MEF2C: variants seen among roughly 807,000 people sequenced by gnomAD.
MEF2C encodes the protein myocyte enhancer factor 2C, also known as myocyte-specific enhancer factor 2C.
MEF2C carries 6 observed loss-of-function variants against 50.5 expected under a neutral mutation model. The ratio of observed to expected loss-of-function variants is 0.12; its 90% confidence interval spans 0.07 to 0.23. The LOEUF is 0.23. MEF2C is among the 10% of genes least tolerant of loss of function. The pLI, the probability that MEF2C is intolerant of heterozygous loss-of-function variation, is 1.00. For synonymous variants in MEF2C, 183 were observed against 228.0 expected, an observed-to-expected ratio of 0.80 and a Z score of 1.78; for missense variants, 276 against 605.0, an observed-to-expected ratio of 0.46 and a Z score of 5.70.
intron 1 of MEF2C, among the ~76,000 whole-genome samples, chr5:88,880,397 T>C (rs1202036597): frequency 2.6e-5 from 4 of 152,162 alleles, no homozygotes; most frequent in African/African-American, 9.6e-5. Context: ...TGTTGTTATG[T>C]AGCACAAGTA....
intron 3 of MEF2C, among the ~76,000 whole-genome samples, chr5:88,803,678 G>A (rs991808883): frequency 5.9e-5 from 9 of 152,288 alleles, no homozygotes; most frequent in African/African-American, 2.2e-4. Context: ...CTTAATCATT[G>A]CTCATGAAGG....
intron 1 of MEF2C, among the ~76,000 whole-genome samples, chr5:88,875,614 T>A (rs970669467): frequency 1.8e-4 from 28 of 152,114 alleles, no homozygotes; most frequent in Non-Finnish European, 3.7e-4. Flanking sequence ...AACTGCTATA[T>A]GGGAATAAAA....
intron 1 of MEF2C, among the ~76,000 whole-genome samples, chr5:88,829,024 AT>A (rs1429664992): frequency 6.6e-6 from 1 of 152,026 alleles, no homozygotes; most frequent in African/African-American, 2.4e-5. Flanking sequence ...AAGAACAGCT[AT>A]TCTTTTCCAC....
intron 1 of MEF2C, among the ~76,000 whole-genome samples, chr5:88,831,244 ACACATTT>A (rs1812884665): frequency 6.6e-6 from 1 of 152,064 alleles, no homozygotes; most frequent in Non-Finnish European, 1.5e-5. Flanking sequence ...ACATGGAAAA[ACACATTT>A]TAGTCTGTCG....
chr5:88,718,404 T>C lies in MEF2C; in HGVS notation c.*4200A>G, dbSNP rs1755224809. ...TGTGGTTTAACTTAGTTATAACATC[T>C]TGTCATCTAGTGGCGACAAAGTCCA... On this transcript the variant is annotated 3_prime_UTR_variant, in exon 11 of 11. Coordinates refer to ENST00000504921, the MANE Select transcript of MEF2C (RefSeq NM_002397.5). 1 of 152,232 alleles carries C rather than the reference T, an allele frequency of 6.6e-6. No individual in the cohort carries two copies. The highest frequency in any genetic ancestry group is 2.4e-5 in the African/African-American group (1 of 41,464). 9.4% of individuals were successfully genotyped at this position (152,232 alleles called of 1,614,324 possible). A position where few individuals can be genotyped will look rare whatever the true frequency, so the allele number is the denominator to read the frequency against.
At chr5:88,836,813 T>C (rs781548141) in intron 1 of MEF2C, among the ~76,000 whole-genome samples, 3 of 151,980 alleles carry the variant, frequency 2.0e-5, no homozygotes, top group African/African-American at 7.2e-5. Flanking sequence ...GTACTATAGA[T>C]CAGAAGTTAC....
At chr5:88,846,266 C>T (rs564755111) in intron 1 of MEF2C, among the ~76,000 whole-genome samples, 21 of 152,202 alleles carry the variant, frequency 1.4e-4, no homozygotes, top group African/African-American at 4.6e-4. Flanking sequence ...TAGGGTTTCA[C>T]CATGTTGATC....
intron 5 of MEF2C, chr5:88,751,050 A>G: frequency 1.0e-6 from 1 of 971,484 alleles, no homozygotes. Flanking sequence ...TATATTCAAT[A>G]CGCATTGACT....
At position 88,740,496 on chromosome 5, in the gene MEF2C, C is replaced by T. The variant is rs1766142797; in HGVS notation, c.637+8574G>A. ...TCCCAGCTTTTGACAGATGAGGAAA[C>T]TGAGGCTTAAGAAGCTTCCGTTACT... On this transcript the variant is annotated intron_variant, in intron 6 of 10. Coordinates refer to ENST00000504921, the MANE Select transcript of MEF2C (RefSeq NM_002397.5). 3 of 983,590 alleles carry T rather than the reference C, an allele frequency of 3.1e-6. No homozygotes were observed. In the Admixed American group the frequency reaches 1.8e-4, roughly 61 times the overall value. The allele number at this position is 983,590 out of a possible 1,614,324, so 60.9% of individuals were successfully genotyped here.
chr5:88,799,870 T>TCACACA (rs60340884), intron 3 of MEF2C, among the ~76,000 whole-genome samples: 19 of 107,520 alleles, frequency 1.8e-4, no homozygotes, highest in African/African-American at 4.8e-4. Context: ...TCTCTCTCTC[T>TCACACA]CACACACACA....
rs780647682 is a variant in MEF2C, at chr5:88,740,736, G to C, written c.637+8334C>G. The C allele has an allele frequency of 2.8e-5, 28 of 983,786 alleles. No individual in the cohort carries two copies. In the African/African-American group the frequency reaches 4.9e-4, roughly 17 times the overall value. 60.9% of individuals were successfully genotyped at this position (983,786 alleles called of 1,614,324 possible). The stretch of plus-strand genomic sequence containing the variant: ...TGGGTACTGATTTACTGAAGGGATA[G>C]TTTTTAATTGCACCATAAAAATGCT... On this transcript the variant is annotated intron_variant, in intron 6 of 10. Transcript: ENST00000504921.
chr5:88,783,613 A>G (rs1050512327), intron 3 of MEF2C, among the ~76,000 whole-genome samples: 11 of 152,116 alleles, frequency 7.2e-5, no homozygotes, highest in Non-Finnish European at 1.5e-4. Flanking sequence ...CTGGGCAACA[A>G]GAGTGAAACT....
intron 1 of MEF2C, among the ~76,000 whole-genome samples, chr5:88,836,300 T>C (rs1815070461): frequency 6.6e-6 from 1 of 152,004 alleles, no homozygotes; most frequent in South Asian, 2.1e-4. Flanking sequence ...TGCTAACCAA[T>C]ATTTCACATT....
chr5:88,760,843 T>C, intron 4 of MEF2C: 1 of 905,902 alleles, frequency 1.1e-6, no homozygotes. Context: ...TAGGGTTTGC[T>C]TTCTAAATGA....
At chr5:88,776,105 A>G (rs1468593984) in intron 3 of MEF2C, among the ~76,000 whole-genome samples, 1 of 152,096 alleles carries the variant, frequency 6.6e-6, no homozygotes, top group Non-Finnish European at 1.5e-5. Flanking sequence ...TTCTACTTTT[A>G]TTTTGATGAT....
intron 3 of MEF2C, among the ~76,000 whole-genome samples, chr5:88,768,000 T>C (rs1276708749): frequency 2.0e-5 from 3 of 152,248 alleles, no homozygotes; most frequent in African/African-American, 2.4e-5. Flanking sequence ...CTTCTCAAGC[T>C]GGGCTCTCCT....
chr5:88,902,996 C>A lies in MEF2C; in HGVS notation c.-240+920G>T, dbSNP rs1251232345. On this transcript the variant is annotated intron_variant, in intron 1 of 11. Coordinates refer to the MEF2C transcript ENST00000340208. ...TAAATGTTTTCAATTTACTATAATA[C>A]AACAATTTGTAGAGAAATGCTGTGA... Among the ~76,000 whole-genome samples the A allele has an allele frequency of 2.6e-5, 4 of 151,752 alleles. No individual in the cohort carries two copies. In the South Asian group the frequency reaches 8.3e-4, roughly 32 times the overall value.
intron 2 of MEF2C, among the ~76,000 whole-genome samples, chr5:88,821,677 C>A (rs304155): frequency 6.6e-6 from 1 of 151,528 alleles, no homozygotes; most frequent in Non-Finnish European, 1.5e-5. Flanking sequence ...TGTTCTCACT[C>A]GTGTGGGAGC....
At chr5:88,751,480 G>T (rs953897553) in intron 5 of MEF2C, 2 of 985,288 alleles carry the variant, frequency 2.0e-6, no homozygotes, top group African/African-American at 3.5e-5. Context: ...GAACACAGGG[G>T]AAGGTTTCAC....
Sources: gnomAD v4.1 joint callset for allele counts (sites outside exome capture counted in the v4.1 genomes callset) on GRCh38, gnomAD v4.1.1 for gene constraint, MANE v1.5 for transcripts, NCBI Gene and HGNC (gene_info 2026-07-23, HGNC 2026-07-21) for gene names.